Variants in MAP3K2 observed in about 807,000 individuals in gnomAD.
MAP3K2 encodes the protein MAP/ERK kinase kinase 2.
Under a neutral mutation model 80.3 loss-of-function variants are expected in MAP3K2, and 24 were observed. That is an observed-to-expected ratio of 0.30 (90% CI 0.22 to 0.42). MAP3K2 has a LOEUF of 0.42. MAP3K2 is among the 10% of genes least tolerant of loss of function. The pLI is 1.00. For synonymous variants in MAP3K2, 244 were observed against 253.7 expected (o/e 0.96, Z 0.36); for missense variants, 608 against 750.1 (o/e 0.81, Z 2.21).
intron 1 of MAP3K2, among the ~76,000 whole-genome samples, chr2:127,349,247 A>G (rs763322535): frequency 6.6e-6 from 1 of 151,970 alleles, no homozygotes; most frequent in Non-Finnish European, 1.5e-5. Context: ...GGCAGCCTCA[A>G]CTTCCCTGAC....
At chr2:127,372,119 G>T (rs1055009239) in intron 1 of MAP3K2, among the ~76,000 whole-genome samples, 1 of 152,188 alleles carries the variant, frequency 6.6e-6, no homozygotes, top group Non-Finnish European at 1.5e-5. Context: ...CTGCCTCTGG[G>T]AACAGTGGGA....
At position 127,318,183 on chromosome 2, in the gene MAP3K2, G is replaced by T; in HGVS notation, c.1180C>A (p.Pro394Thr). The T allele has an allele frequency of 3.7e-6, 6 of 1,605,586 alleles. No homozygotes were observed. The highest frequency in any genetic ancestry group is 5.1e-6 in the Non-Finnish European group (6 of 1,176,742). The part of the protein sequence containing the change: ...VKQVQFDPDS[P>T]ETSKEVNALE... Reference sequence around the variant, plus strand: ...GTGATTTTTACCTTGCTGGTCTCAGGACTATCGGGGTCAAATTGAACTTGC... The same window carrying T: ...GTGATTTTTACCTTGCTGGTCTCAGTACTATCGGGGTCAAATTGAACTTGC... The change falls in exon 13 of 17, where the codon CCT becomes ACT. Residue 394 changes from proline to threonine, a missense_variant. Coordinates refer to ENST00000682094, the MANE Select transcript of MAP3K2 (RefSeq NM_001371910.2).
At chr2:127,340,257 G>T (rs1686450839) in intron 2 of MAP3K2, among the ~76,000 whole-genome samples, 1 of 151,946 alleles carries the variant, frequency 6.6e-6, no homozygotes, top group African/African-American at 2.4e-5. Context: ...AGCCAAATAG[G>T]TAACCAAGCC....
chr2:127,386,923 T>G (rs1574013762), intron 1 of MAP3K2, among the ~76,000 whole-genome samples: 1 of 152,210 alleles, frequency 6.6e-6, no homozygotes, highest in Non-Finnish European at 1.5e-5. Context: ...TTAATCTCTC[T>G]GAGCCTCAAG....
intron 1 of MAP3K2, among the ~76,000 whole-genome samples, chr2:127,382,377 G>C (rs187468392): frequency 6.6e-6 from 1 of 151,560 alleles, no homozygotes; most frequent in Non-Finnish European, 1.5e-5. Flanking sequence ...ATTTTATTCT[G>C]CTTCATAGTG....
intron 1 of MAP3K2, among the ~76,000 whole-genome samples, chr2:127,371,464 C>T (rs996834172): frequency 6.6e-6 from 1 of 152,160 alleles, no homozygotes; most frequent in African/African-American, 2.4e-5. Context: ...GCCTCAGGAG[C>T]CATTTGTTGA....
At chr2:127,337,817 C>G in intron 3 of MAP3K2, 39 bp from the exon 4 acceptor site, 1 of 1,171,544 alleles carries the variant, frequency 8.5e-7, no homozygotes, top group South Asian at 1.5e-5. Context: ...AGAGATTAGA[C>G]AGATCATTCA....
chr2:127,382,044 A>G (rs1022666837), intron 1 of MAP3K2, among the ~76,000 whole-genome samples: 6 of 152,344 alleles, frequency 3.9e-5, no homozygotes, highest in African/African-American at 9.6e-5. Flanking sequence ...GCTGTAGACT[A>G]TAAGAGATCA....
intron 9 of MAP3K2, 38 bp downstream of exon 9, chr2:127,325,690 A>T: frequency 1.3e-6 from 2 of 1,509,692 alleles, no homozygotes; most frequent in Non-Finnish European, 9.2e-7. Context: ...TGTCTCAAAT[A>T]AACAAATAAA....
In MAP3K2 at chr2:127,310,227, G is replaced by A. The variant is rs1486437904; in HGVS notation, c.1457-1465C>T. Among the ~76,000 whole-genome samples, 2 of 151,888 alleles carry A rather than the reference G, an allele frequency of 1.3e-5. No individual in the cohort carries two copies. Among genetic ancestry groups the A allele is most frequent in the Non-Finnish European group, 2.9e-5 (2 of 68,002 alleles). On this transcript the variant is annotated intron_variant, in intron 15 of 16. Transcript: ENST00000682094. The surrounding 1 kb of genome is among the most constrained non-coding windows in gnomAD (Gnocchi z 4.8). ...TCATTGTATCCTTGGCTTTTGTTTT[G>A]GAGCACTTTCTTGCTTTCTGGCATT...
At chr2:127,345,344 A>G (rs1405622489) in intron 1 of MAP3K2, among the ~76,000 whole-genome samples, 1 of 152,264 alleles carries the variant, frequency 6.6e-6, no homozygotes, top group East Asian at 1.9e-4. Flanking sequence ...TTATAAACTT[A>G]TATGTACCTA....
At chr2:127,381,114 G>A (rs1218254159) in intron 1 of MAP3K2, among the ~76,000 whole-genome samples, 1 of 152,096 alleles carries the variant, frequency 6.6e-6, no homozygotes, top group Non-Finnish European at 1.5e-5. Flanking sequence ...GGATTCTCCT[G>A]CCTTAACCTC....
chr2:127,330,564 C>T lies in MAP3K2; in HGVS notation c.265-59G>A, dbSNP rs200280631. 2.7e-5 allele frequency: 20 copies of T among 745,796 alleles called. No homozygotes were observed. The Admixed American group carries it at 4.9e-4, about 18-fold the overall frequency. The allele number at this position is 745,796 out of a possible 1,614,324, so 46.2% of individuals were successfully genotyped here. A position where few individuals can be genotyped will look rare whatever the true frequency, so the allele number is the denominator to read the frequency against. Reference sequence around the variant, plus strand: ...TCACCAGGTCAAGTTCTTCCATGAGCATCTCCACTACTAAGGAATTACAAA... The same window carrying T: ...TCACCAGGTCAAGTTCTTCCATGAGTATCTCCACTACTAAGGAATTACAAA... On this transcript the variant is annotated intron_variant, in intron 5 of 16. Transcript: ENST00000682094.
Position 127,364,260 on chromosome 2 carries a change from C to T in MAP3K2, c.-65-21066G>A, listed in dbSNP as rs1330570764. 1.3e-5 allele frequency among the ~76,000 whole-genome samples: 2 copies of T among 152,108 alleles called. No homozygotes were observed. Among genetic ancestry groups the T allele is most frequent in the Non-Finnish European group, 2.9e-5 (2 of 68,024 alleles). On this transcript the variant is annotated intron_variant, in intron 1 of 16. Coordinates refer to ENST00000682094, the MANE Select transcript of MAP3K2 (RefSeq NM_001371910.2). This position sits in a 1 kb window ranked among gnomAD's most constrained non-coding sequence, Gnocchi z 4.1. ...AAAACAATTTACCCAGGAAACCATTCGGATAACCAAAAGAAGCAAATAGAT... is the reference window on the plus strand; with the variant it reads ...AAAACAATTTACCCAGGAAACCATTTGGATAACCAAAAGAAGCAAATAGAT...
chr2:127,361,614 T>C (rs971109629), intron 1 of MAP3K2, among the ~76,000 whole-genome samples: 1 of 152,222 alleles, frequency 6.6e-6, no homozygotes, highest in Non-Finnish European at 1.5e-5. Context: ...GTGGTCCTAG[T>C]AATTATCACA....
intron 4 of MAP3K2, 55 bp downstream of exon 4, chr2:127,337,683 T>G: frequency 9.7e-7 from 1 of 1,030,190 alleles, no homozygotes; most frequent in Non-Finnish European, 1.4e-6. Flanking sequence ...AAAGCTTAAT[T>G]AGAATACACA....
chr2:127,369,485 A>C (rs1346954330), intron 1 of MAP3K2, among the ~76,000 whole-genome samples: 1 of 148,806 alleles, frequency 6.7e-6, no homozygotes, highest in Non-Finnish European at 1.5e-5. Flanking sequence ...AAAAAAAAAA[A>C]AAAAAAAAAA....
At chr2:127,388,314 C>G, upstream of MAP3K2, 2 of 985,550 alleles carry the variant, frequency 2.0e-6, no homozygotes, top group Non-Finnish European at 2.4e-6. Context: ...GTGAAAAGGT[C>G]TCCCACGTGG....
chr2:127,373,707 C>G (rs1277282496), intron 1 of MAP3K2, among the ~76,000 whole-genome samples: 1 of 152,160 alleles, frequency 6.6e-6, no homozygotes, highest in Non-Finnish European at 1.5e-5. Flanking sequence ...GGGCCCAGAG[C>G]TATGCTTTCT....
Sources: allele counts gnomAD v4.1 joint callset (sites outside exome capture counted in the v4.1 genomes callset), GRCh38; gene constraint gnomAD v4.1.1; non-coding constraint Gnocchi (gnomAD v3.1); transcripts MANE v1.5; gene names NCBI Gene and HGNC (gene_info 2026-07-23, HGNC 2026-07-21).